Variants in EML4 observed in about 807,000 individuals in gnomAD.
EML4 encodes EMAP like 4, also known as echinoderm microtubule-associated protein-like 4.
A neutral mutation model predicts 129.0 loss-of-function variants in EML4; 72 were observed. The ratio of observed to expected loss-of-function variants is 0.56; its 90% confidence interval spans 0.46 to 0.68. EML4 has a LOEUF of 0.68. EML4 is among the 30% of genes least tolerant of loss of function. The pLI is 0.00. For missense variants in EML4, 1,363 were observed against 1,190.6 expected (o/e 1.14, Z -2.13); for synonymous variants, 532 against 405.0 (o/e 1.31, Z -3.77).
At chr2:42,328,864 T>C (rs1419940418) in intron 21 of EML4, 22 bp from the exon 22 acceptor site, 1 of 1,570,446 alleles carries the variant, frequency 6.4e-7, no homozygotes, top group Non-Finnish European at 8.6e-7. Flanking sequence ...TTTTTCTGCA[T>C]CCCTGTGTTT....
rs143756929 is a variant in EML4, at chr2:42,272,773, C to A, written c.667+8042C>A. Among the ~76,000 whole-genome samples, 831 of 152,208 alleles carry A rather than the reference C, an allele frequency of 5.5e-3. 4 individuals carry two copies. Among genetic ancestry groups the A allele is most frequent in the Non-Finnish European group, 1.0e-2 (680 of 68,012 alleles). On this transcript the variant is annotated intron_variant, in intron 6 of 22. Coordinates refer to ENST00000318522, the MANE Select transcript of EML4 (RefSeq NM_019063.5). ...TAAATACGTATAAGATTAGAACGTT[C>A]TCTAATGAAGTCATATACTTGATGT...
chr2:42,203,419 A>G (rs1672351542), intron 1 of EML4, among the ~76,000 whole-genome samples: 1 of 152,190 alleles, frequency 6.6e-6, no homozygotes, highest in Admixed American at 6.5e-5. Flanking sequence ...CTGAACTTGA[A>G]TAAATTTGGT....
intron 1 of EML4, among the ~76,000 whole-genome samples, chr2:42,173,131 T>C (rs555228757): frequency 3.3e-5 from 5 of 152,364 alleles, no homozygotes; most frequent in Admixed American, 2.6e-4. Flanking sequence ...CTTCAACTTA[T>C]GGACTATTCA....
chr2:42,259,683 A>G (rs1665585979), intron 3 of EML4, among the ~76,000 whole-genome samples: 1 of 150,860 alleles, frequency 6.6e-6, no homozygotes, highest in Non-Finnish European at 1.5e-5. Flanking sequence ...AGAGTATGTT[A>G]GAACGCATCT....
chr2:42,172,418 A>G (rs989379723), intron 1 of EML4, among the ~76,000 whole-genome samples: 2 of 152,224 alleles, frequency 1.3e-5, no homozygotes, highest in African/African-American at 4.8e-5. Flanking sequence ...TTTTTAAATC[A>G]TAGGAATGAT....
At chr2:42,248,746 A>T (rs1242994785) in intron 2 of EML4, among the ~76,000 whole-genome samples, 1 of 152,154 alleles carries the variant, frequency 6.6e-6, no homozygotes, top group East Asian at 1.9e-4. Flanking sequence ...ATTTTATAAT[A>T]TGCTAAGATG....
At chr2:42,257,808 G>A (rs1340789111) in intron 3 of EML4, among the ~76,000 whole-genome samples, 1 of 148,346 alleles carries the variant, frequency 6.7e-6, no homozygotes, top group Admixed American at 6.8e-5. Context: ...CTGTATCCCA[G>A]CCTGGGTGAC....
At chr2:42,281,064 CAAAAA>C (rs878979316) in intron 7 of EML4, 91 bp downstream of exon 7, 6 of 817,746 alleles carry the variant, frequency 7.3e-6, no homozygotes, top group Non-Finnish European at 1.0e-5. Context: ...TGTCTTTATA[CAAAAA>C]AAAAAAGTAA....
intron 2 of EML4, among the ~76,000 whole-genome samples, chr2:42,256,084 A>C (rs918251298): frequency 1.3e-5 from 2 of 152,192 alleles, no homozygotes; most frequent in African/African-American, 4.8e-5. Flanking sequence ...ATTTGTATGG[A>C]GTAACAGTCT....
chr2:42,235,448 G>A (rs1241275696), intron 1 of EML4, among the ~76,000 whole-genome samples: 1 of 152,162 alleles, frequency 6.6e-6, no homozygotes, highest in African/African-American at 2.4e-5. Flanking sequence ...GGGCAACAGA[G>A]CCAGACTGTG....
At chr2:42,238,440 A>T (rs975777231) in intron 1 of EML4, among the ~76,000 whole-genome samples, 1 of 152,186 alleles carries the variant, frequency 6.6e-6, no homozygotes, top group African/African-American at 2.4e-5. Flanking sequence ...GTAGAAAGAA[A>T]GATTAGAAAA....
At chr2:42,317,693 T>G (rs1172495537) in intron 19 of EML4, among the ~76,000 whole-genome samples, 169 bp downstream of exon 19, 2 of 152,228 alleles carry the variant, frequency 1.3e-5, no homozygotes, top group Non-Finnish European at 2.9e-5. Flanking sequence ...GAGTTCCCTG[T>G]GTGCTCTAAA....
intron 11 of EML4, among the ~76,000 whole-genome samples, chr2:42,294,037 T>G (rs1667808731): frequency 6.6e-6 from 1 of 152,242 alleles, no homozygotes; most frequent in East Asian, 1.9e-4. Context: ...GGCATGTAGT[T>G]AAGTTTCACC....
chr2:42,282,157 G>A (rs909560896), intron 7 of EML4, among the ~76,000 whole-genome samples: 3 of 148,746 alleles, frequency 2.0e-5, no homozygotes, highest in Non-Finnish European at 3.0e-5. Flanking sequence ...ACCCCCCCAC[G>A]ATTTGTAATT....
At chr2:42,321,896 A>G (rs1185645621) in intron 19 of EML4, among the ~76,000 whole-genome samples, 1 of 152,248 alleles carries the variant, frequency 6.6e-6, no homozygotes, top group Non-Finnish European at 1.5e-5. Context: ...GCTGTGTGAA[A>G]CATTGCTGAA....
At chr2:42,278,301 G>A (rs954191212) in intron 6 of EML4, among the ~76,000 whole-genome samples, 8 of 152,102 alleles carry the variant, frequency 5.3e-5, no homozygotes, top group South Asian at 2.1e-4. Context: ...GGCCGCATGC[G>A]GTGGCTCACA....
chr2:42,229,942 A>G lies in EML4; in HGVS notation c.26-15563A>G, dbSNP rs185802981. ...GGATATTCAGAGAAAGAAAAAAACC[A>G]TAAAAAGGAAGAAATACTAGATGGT... On this transcript the variant is annotated intron_variant, in intron 1 of 22. Coordinates refer to ENST00000318522, the MANE Select transcript of EML4 (RefSeq NM_019063.5). Among the ~76,000 whole-genome samples the G allele has an allele frequency of 1.2e-4, 19 of 152,132 alleles. No individual in the cohort carries two copies. The East Asian group carries it at 3.5e-3, about 28-fold the overall frequency.
At chr2:42,272,001 G>C (rs1250389269) in intron 6 of EML4, among the ~76,000 whole-genome samples, 2 of 150,320 alleles carry the variant, frequency 1.3e-5, no homozygotes, top group African/African-American at 2.5e-5. Context: ...TACTTGGGAA[G>C]CTGAGGCAGG....
At chr2:42,204,483 T>C (rs951787637) in intron 1 of EML4, among the ~76,000 whole-genome samples, 1 of 152,190 alleles carries the variant, frequency 6.6e-6, no homozygotes, top group African/African-American at 2.4e-5. Context: ...TTTTGTAAAA[T>C]AGCCATTGAC....
Sources: gnomAD v4.1 joint callset for allele counts (sites outside exome capture counted in the v4.1 genomes callset) on GRCh38, gnomAD v4.1.1 for gene constraint, MANE v1.5 for transcripts, NCBI Gene and HGNC (gene_info 2026-07-23, HGNC 2026-07-21) for gene names.